Variants in SPOCK3 observed in about 807,000 individuals in gnomAD.
SPOCK3 encodes the protein SPARC (osteonectin), cwcv and kazal like domains proteoglycan 3.
Under a neutral mutation model 56.6 loss-of-function variants are expected in SPOCK3, and 30 were observed. The ratio of observed to expected loss-of-function variants is 0.53; its 90% confidence interval spans 0.40 to 0.72. SPOCK3 has a LOEUF of 0.72. Ranked by LOEUF, SPOCK3 falls within the 30% of genes least tolerant of loss-of-function variation. The probability of loss-of-function intolerance (pLI) is 0.00; values close to 1 mark genes in which losing one functional copy is unlikely to be tolerated. For synonymous variants in SPOCK3, 196 were observed against 183.3 expected, an observed-to-expected ratio of 1.07 and a Z score of -0.56; for missense variants, 527 against 530.0, an observed-to-expected ratio of 0.99 and a Z score of 0.06.
At chr4:166,999,209 A>G (rs1003463654) in intron 4 of SPOCK3, among the ~76,000 whole-genome samples, 1 of 152,128 alleles carries the variant, frequency 6.6e-6, no homozygotes, top group African/African-American at 2.4e-5. Context: ...CCATGATTCT[A>G]ACCCAAGTGA....
chr4:166,750,819 T>A (rs1736276661), intron 8 of SPOCK3, among the ~76,000 whole-genome samples: 1 of 152,206 alleles, frequency 6.6e-6, no homozygotes, highest in Non-Finnish European at 1.5e-5. Context: ...TTTCTATACT[T>A]GAAAGAAGTC....
At chr4:167,232,380 A>G (rs770185819) in intron 2 of SPOCK3, among the ~76,000 whole-genome samples, 2 of 151,844 alleles carry the variant, frequency 1.3e-5, no homozygotes, top group Non-Finnish European at 2.9e-5. Flanking sequence ...CAAATAGAAA[A>G]CAGCATGCAA....
intron 4 of SPOCK3, among the ~76,000 whole-genome samples, chr4:166,934,425 G>A (rs926403737): frequency 7.7e-4 from 117 of 152,096 alleles, no homozygotes; most frequent in African/African-American, 2.7e-3. Context: ...GAGAACCCGG[G>A]AGGAGGAGCT....
intron 2 of SPOCK3, among the ~76,000 whole-genome samples, chr4:167,096,753 T>G (rs1410456733): frequency 6.6e-6 from 1 of 151,938 alleles, no homozygotes; most frequent in East Asian, 1.9e-4. Flanking sequence ...TGTAGTATTC[T>G]AAATATGTAA....
intron 6 of SPOCK3, among the ~76,000 whole-genome samples, chr4:166,882,570 G>A (rs747932183): frequency 1.3e-5 from 2 of 152,146 alleles, no homozygotes; most frequent in Non-Finnish European, 2.9e-5. Context: ...GAAGGAATAA[G>A]TTTAAACGTC....
chr4:166,767,775 T>C (rs1307532877), intron 7 of SPOCK3, among the ~76,000 whole-genome samples: 1 of 152,220 alleles, frequency 6.6e-6, no homozygotes, highest in Non-Finnish European at 1.5e-5. Context: ...ATCTGTCTAA[T>C]GTTGACAGTA....
rs186514193 is a variant in SPOCK3 at position 167,123,020 on chromosome 4, G to A, written c.190-60483C>T. Among the ~76,000 whole-genome samples the A allele has an allele frequency of 1.6e-3, 242 of 151,592 alleles. 1 individual carries two copies. The highest frequency in any genetic ancestry group is 5.3e-3 in the African/African-American group (218 of 41,372). On this transcript the variant is annotated intron_variant, in intron 2 of 10. Coordinates refer to ENST00000357545, the MANE Select transcript of SPOCK3 (RefSeq NM_001040159.2). ...AAGAGATTATTTAAAAAAATTAAACGTCATGTCCTCAGTAACACTAGTGTT... is the reference window on the plus strand; with the variant it reads ...AAGAGATTATTTAAAAAAATTAAACATCATGTCCTCAGTAACACTAGTGTT...
intron 6 of SPOCK3, among the ~76,000 whole-genome samples, chr4:166,795,991 G>A (rs1401384403): frequency 6.6e-6 from 1 of 152,168 alleles, no homozygotes; most frequent in African/African-American, 2.4e-5. Flanking sequence ...ATTGGCATTA[G>A]TGCTCTTTTA....
chr4:167,179,601 A>G (rs990305823), intron 2 of SPOCK3, among the ~76,000 whole-genome samples: 4 of 152,196 alleles, frequency 2.6e-5, no homozygotes, highest in Non-Finnish European at 4.4e-5. Flanking sequence ...ATCTTAATAT[A>G]AAAATTTAAT....
intron 6 of SPOCK3, among the ~76,000 whole-genome samples, chr4:166,834,095 A>G (rs1445120833): frequency 6.6e-6 from 1 of 152,118 alleles, no homozygotes; most frequent in African/African-American, 2.4e-5. Flanking sequence ...GGTGAGAGAA[A>G]TGTGTTCCCC....
chr4:167,014,983 T>G (rs1201361753), intron 3 of SPOCK3, among the ~76,000 whole-genome samples: 1 of 151,938 alleles, frequency 6.6e-6, no homozygotes. Context: ...TAAAAATATT[T>G]TTGTAATATA....
At chr4:167,119,303 G>A (rs1034887493) in intron 2 of SPOCK3, among the ~76,000 whole-genome samples, 2 of 152,042 alleles carry the variant, frequency 1.3e-5, no homozygotes, top group Non-Finnish European at 2.9e-5. Flanking sequence ...TCACATAGAG[G>A]GTGTGATCAG....
intron 4 of SPOCK3, among the ~76,000 whole-genome samples, chr4:166,998,612 GTC>G (rs1225208030): frequency 2.0e-5 from 3 of 152,118 alleles, no homozygotes; most frequent in Non-Finnish European, 4.4e-5. Context: ...AAACGAGTGT[GTC>G]TCTGCCACAG....
chr4:166,814,290 G>A (rs1486366720), intron 6 of SPOCK3, among the ~76,000 whole-genome samples: 1 of 152,086 alleles, frequency 6.6e-6, no homozygotes, highest in Non-Finnish European at 1.5e-5. Flanking sequence ...CACCTGTGAT[G>A]ATTAATGTTA....
intron 2 of SPOCK3, among the ~76,000 whole-genome samples, chr4:167,134,218 A>T (rs1762931615): frequency 6.6e-6 from 1 of 150,668 alleles, no homozygotes. Flanking sequence ...TTTTTTGTAG[A>T]GATAGGGTTT....
chr4:166,738,231 T>G (rs1307442572), intron 9 of SPOCK3, among the ~76,000 whole-genome samples: 2 of 151,524 alleles, frequency 1.3e-5, no homozygotes, highest in Non-Finnish European at 2.9e-5. Flanking sequence ...TCTCTGTGTG[T>G]GTGTGTTTGT....
At chr4:166,868,337 G>A (rs72986032) in intron 6 of SPOCK3, among the ~76,000 whole-genome samples, 2,410 of 151,766 alleles carry the variant, frequency 0.016, 81 homozygotes, top group African/African-American at 0.055. Context: ...GCACAGGCCT[G>A]CAACTGTAGC....
At chr4:166,864,604 C>T (rs1348511951) in intron 6 of SPOCK3, among the ~76,000 whole-genome samples, 1 of 151,940 alleles carries the variant, frequency 6.6e-6, no homozygotes, top group Non-Finnish European at 1.5e-5. Context: ...GGGGAGATCA[C>T]CACTGATCCC....
At chr4:167,232,124 T>C (rs895732397) in intron 2 of SPOCK3, among the ~76,000 whole-genome samples, 2 of 152,136 alleles carry the variant, frequency 1.3e-5, no homozygotes, top group Non-Finnish European at 2.9e-5. Context: ...TTTAGCTCTA[T>C]AGTAGGCAAC....
Sources: allele counts gnomAD v4.1 joint callset (sites outside exome capture counted in the v4.1 genomes callset), GRCh38; gene constraint gnomAD v4.1.1; transcripts MANE v1.5; gene names NCBI Gene and HGNC (gene_info 2026-07-23, HGNC 2026-07-21).